Variants in CNNM2 observed in about 807,000 individuals in gnomAD.
CNNM2 encodes the protein metal transporter CNNM2.
A neutral mutation model predicts 66.9 loss-of-function variants in CNNM2; 12 were observed. That is an observed-to-expected ratio of 0.18 (90% confidence interval 0.11 to 0.29). The LOEUF is 0.29. Among genes scored for constraint, CNNM2 ranks in the 10% least tolerant of loss-of-function variants. The pLI, the probability that CNNM2 is intolerant of heterozygous loss-of-function variation, is 1.00. For synonymous variants in CNNM2, 557 were observed against 501.8 expected (o/e 1.11, Z -1.47); for missense variants, 705 against 1,167.7 (o/e 0.60, Z 5.77).
chr10:102,993,170 T>A (rs2134244556), intron 1 of CNNM2, among the ~76,000 whole-genome samples: 1 of 152,322 alleles, frequency 6.6e-6, no homozygotes, highest in South Asian at 2.1e-4. Context: ...ACCATAGCAT[T>A]TGGATTTACC....
chr10:102,973,484 C>A (rs776821501), intron 1 of CNNM2, among the ~76,000 whole-genome samples: 29 of 151,444 alleles, frequency 1.9e-4, no homozygotes, highest in Non-Finnish European at 3.8e-4. Flanking sequence ...CTAAAACATG[C>A]ATGCTTGTGC....
intron 1 of CNNM2, among the ~76,000 whole-genome samples, chr10:102,946,711 T>C (rs1006021734): frequency 5.3e-5 from 8 of 152,224 alleles, no homozygotes; most frequent in Non-Finnish European, 1.2e-4. Flanking sequence ...TTCTGCACTT[T>C]TAGTGTTTTC....
intron 4 of CNNM2, among the ~76,000 whole-genome samples, chr10:103,064,674 A>G (rs978026698): frequency 2.0e-5 from 3 of 152,160 alleles, no homozygotes; most frequent in African/African-American, 7.2e-5. Flanking sequence ...CCCCGTCTCT[A>G]TAAAAAAATA....
chr10:103,029,370 A>G (rs1428310033), intron 1 of CNNM2, among the ~76,000 whole-genome samples: 5 of 151,100 alleles, frequency 3.3e-5, no homozygotes, highest in Admixed American at 1.3e-4. Flanking sequence ...CAGGAGGCTG[A>G]GGAGAATCAC....
intron 1 of CNNM2, among the ~76,000 whole-genome samples, chr10:102,947,978 G>T (rs1321460004): frequency 6.6e-6 from 1 of 152,096 alleles, no homozygotes; most frequent in Non-Finnish European, 1.5e-5. Flanking sequence ...GCGTGAACCC[G>T]GGAGGTGGAG....
In CNNM2 at chr10:103,079,384, G is replaced by C. The variant is rs193065887; in HGVS notation, c.*2204G>C. ...TCTCTGGCCTCAGGAACTCTGCCCT[G>C]TCAACCTATCTGGGCTCACGTCTGC... On this transcript the variant is annotated 3_prime_UTR_variant, in exon 8 of 8. Coordinates refer to ENST00000369878, the MANE Select transcript of CNNM2 (RefSeq NM_017649.5). The C allele has an allele frequency of 6.6e-6, 1 of 152,456 alleles. No homozygotes were observed. The highest frequency in any genetic ancestry group is 6.5e-5 in the Admixed American group (1 of 15,312). 9.4% of individuals were successfully genotyped at this position (152,456 alleles called of 1,614,324 possible). A position where few individuals can be genotyped will look rare whatever the true frequency, so the allele number is the denominator to read the frequency against.
chr10:103,041,575 C>T (rs2065041352), intron 1 of CNNM2, among the ~76,000 whole-genome samples: 1 of 152,142 alleles, frequency 6.6e-6, no homozygotes, highest in Non-Finnish European at 1.5e-5. Flanking sequence ...GAGGGGAAAG[C>T]ACACTAGCCA....
intron 1 of CNNM2, among the ~76,000 whole-genome samples, chr10:103,034,786 GA>G (rs2064898127): frequency 6.6e-6 from 1 of 152,010 alleles, no homozygotes; most frequent in Non-Finnish European, 1.5e-5. Context: ...CTAACAAGGT[GA>G]AACCCCGTCT....
At chr10:103,008,001 C>A (rs901950624) in intron 1 of CNNM2, among the ~76,000 whole-genome samples, 6 of 152,192 alleles carry the variant, frequency 3.9e-5, no homozygotes, top group African/African-American at 1.4e-4. Context: ...CCCTGACTTC[C>A]CACAACAATT....
At chr10:103,061,237 G>C (rs2065381120) in intron 4 of CNNM2, among the ~76,000 whole-genome samples, 1 of 151,966 alleles carries the variant, frequency 6.6e-6, no homozygotes, top group South Asian at 2.1e-4. Context: ...TACTAAAAAT[G>C]CAAAACTTAG....
At chr10:103,014,744 A>G (rs2064409194) in intron 1 of CNNM2, among the ~76,000 whole-genome samples, 1 of 152,148 alleles carries the variant, frequency 6.6e-6, no homozygotes, top group African/African-American at 2.4e-5. Flanking sequence ...TACCATTTAC[A>G]GGCTGGGTGC....
At position 102,921,986 on chromosome 10, in the gene CNNM2, A is replaced by G. The variant is rs1006904735; in HGVS notation, c.1621+1885A>G. 9.9e-5 allele frequency among the ~76,000 whole-genome samples: 15 copies of G among 152,078 alleles called. 1 individual carries two copies. Among genetic ancestry groups the G allele is most frequent in the African/African-American group, 3.6e-4 (15 of 41,396 alleles). On this transcript the variant is annotated intron_variant, in intron 1 of 7. Coordinates refer to ENST00000369878, the MANE Select transcript of CNNM2 (RefSeq NM_017649.5). ...ATTGACCTTGAACAATTTTTCTATGATGGATTTATTTTCATGAGGAGCTGT... is the reference window on the plus strand; with the variant it reads ...ATTGACCTTGAACAATTTTTCTATGGTGGATTTATTTTCATGAGGAGCTGT...
At chr10:102,939,370 C>G (rs1054838930) in intron 1 of CNNM2, among the ~76,000 whole-genome samples, 1 of 152,120 alleles carries the variant, frequency 6.6e-6, no homozygotes, top group Non-Finnish European at 1.5e-5. Context: ...ATCTTTAATC[C>G]TCTACAATCT....
intron 1 of CNNM2, among the ~76,000 whole-genome samples, chr10:102,957,023 T>C (rs756272870): frequency 1.3e-5 from 2 of 151,998 alleles, no homozygotes; most frequent in Non-Finnish European, 2.9e-5. Flanking sequence ...TAAGATTGGC[T>C]GGGCACGGTG....
chr10:103,029,876 A>T (rs2064789567), intron 1 of CNNM2, among the ~76,000 whole-genome samples: 1 of 140,094 alleles, frequency 7.1e-6, no homozygotes, highest in African/African-American at 2.6e-5. Flanking sequence ...AAAAAAAAAA[A>T]AAATAATCTC....
intron 1 of CNNM2, among the ~76,000 whole-genome samples, chr10:103,001,576 CAT>C (rs2064123139): frequency 6.6e-6 from 1 of 152,158 alleles, no homozygotes; most frequent in African/African-American, 2.4e-5. Flanking sequence ...TATTCATTCT[CAT>C]AGTCTTTTCA....
At chr10:102,928,406 C>A (rs1384223856) in intron 1 of CNNM2, among the ~76,000 whole-genome samples, 2 of 151,796 alleles carry the variant, frequency 1.3e-5, no homozygotes, top group Non-Finnish European at 2.9e-5. Flanking sequence ...CATGATGAAA[C>A]CCTGTCTCTA....
Position 103,080,317 on chromosome 10 carries a change from A to AATG in CNNM2, c.*3139_*3141dup, listed in dbSNP as rs1401207531. Reference sequence around the variant, plus strand: ...CCTGGGACACTCTGCCTGCTCTGTAAATGAGGAGGGCTTTTCTCCTGCTGT... The same window carrying AATG: ...CCTGGGACACTCTGCCTGCTCTGTAAATGATGAGGAGGGCTTTTCTCCTGCTGT... On this transcript the variant is annotated 3_prime_UTR_variant, in exon 8 of 8. Coordinates refer to ENST00000369878, the MANE Select transcript of CNNM2 (RefSeq NM_017649.5). The AATG allele has an allele frequency of 6.6e-6, 1 of 152,112 alleles. No homozygotes were observed. Among genetic ancestry groups the AATG allele is most frequent in the East Asian group, 1.9e-4 (1 of 5,186 alleles). The allele number at this position is 152,112 out of a possible 1,614,324, so 9.4% of individuals were successfully genotyped here.
At chr10:102,984,695 T>C (rs996445211) in intron 1 of CNNM2, among the ~76,000 whole-genome samples, 9 of 152,212 alleles carry the variant, frequency 5.9e-5, no homozygotes, top group African/African-American at 2.2e-4. Flanking sequence ...GGTCTCACTC[T>C]GTCACCCAGG....
Sources: gnomAD v4.1 joint callset for allele counts (sites outside exome capture counted in the v4.1 genomes callset) on GRCh38, gnomAD v4.1.1 for gene constraint, MANE v1.5 for transcripts, NCBI Gene and HGNC (gene_info 2026-07-23, HGNC 2026-07-21) for gene names.